AK9: variants seen among roughly 807,000 people sequenced by gnomAD.
AK9 encodes the protein adenylate kinase domain containing 1.
Under a neutral mutation model 239.6 loss-of-function variants are expected in AK9, and 191 were observed. The ratio of observed to expected loss-of-function variants is 0.80; its 90% CI spans 0.71 to 0.90. AK9 has a LOEUF of 0.90. Ranked by LOEUF, AK9 falls within the 40% of genes least tolerant of loss-of-function variation. AK9 has a pLI of 0.00. For synonymous variants in AK9, 689 were observed against 721.0 expected (o/e 0.96, Z 0.71); for missense variants, 1,995 against 2,214.7 (o/e 0.90, Z 1.99).
Position 109,522,359 on chromosome 6 carries a change from A to C in AK9, c.3634-5717T>G, listed in dbSNP as rs149309993. ...GAACTTTTCTTCTAACATTTCTTAGAATATTTCCTTCTTTATTTTCTGTTT... is the reference window on the plus strand; with the variant it reads ...GAACTTTTCTTCTAACATTTCTTAGCATATTTCCTTCTTTATTTTCTGTTT... On this transcript the variant is annotated intron_variant, in intron 29 of 40. Coordinates refer to ENST00000424296, the MANE Select transcript of AK9 (RefSeq NM_001145128.3). 7.3e-4 allele frequency among the ~76,000 whole-genome samples: 111 copies of C among 152,040 alleles called. 1 individual carries two copies. Among genetic ancestry groups the C allele is most frequent in the African/African-American group, 2.4e-3 (101 of 41,510 alleles).
Position 109,672,115 on chromosome 6 carries a change from C to T in AK9, c.234G>A (p.Met78Ile). 1 of 1,613,214 alleles carries T rather than the reference C, an allele frequency of 6.2e-7. No homozygotes were observed. Among genetic ancestry groups the T allele is most frequent in the Non-Finnish European group, 8.5e-7 (1 of 1,179,682 alleles). Residue 78 changes from methionine to isoleucine, a missense_variant and splice_region_variant, in exon 4 of 41, where the codon ATG (methionine) becomes ATA (isoleucine). By Grantham distance (10) the Met-to-Ile change is conservative (BLOSUM62 1). This residue lies in a region of AK9 where 252 missense variants were observed against 246.4 expected (regional missense o/e 1.02). Transcript: ENST00000424296. ...TACTTTGAAATTTAGGTTTGTTTAC[C>T]ATAACTCCTGATTCGGTTTCAGCAG... ...QIAAETESGV[M>I]LQSMLISGQS...
chr6:109,604,144 C>A (rs1449186640), intron 17 of AK9, among the ~76,000 whole-genome samples: 1 of 152,182 alleles, frequency 6.6e-6, no homozygotes, highest in Non-Finnish European at 1.5e-5. Flanking sequence ...ATGCGGAAAT[C>A]ACCCATCCTC....
intron 24 of AK9, among the ~76,000 whole-genome samples, chr6:109,561,942 C>CGTATATACGTTGTAGATCTCAACG (rs1785833948): frequency 6.6e-6 from 1 of 151,942 alleles, no homozygotes; most frequent in Admixed American, 6.6e-5. Context: ...TAGATCTGAA[C>CGTATATACGTTGTAGATCTCAACG]TATATGTACA....
chr6:109,530,022 G>A (rs1445620108), intron 28 of AK9, among the ~76,000 whole-genome samples: 4 of 152,156 alleles, frequency 2.6e-5, no homozygotes, highest in Non-Finnish European at 4.4e-5. Flanking sequence ...AAGTGTATGT[G>A]GTTGGCAGAC....
chr6:109,505,280 C>T (rs981607523), intron 35 of AK9, among the ~76,000 whole-genome samples: 1 of 152,172 alleles, frequency 6.6e-6, no homozygotes. Context: ...CTCATCATAC[C>T]TTCTGTGTAG....
chr6:109,632,822 C>A, intron 12 of AK9, 101 bp downstream of exon 12: 2 of 1,378,178 alleles, frequency 1.5e-6, no homozygotes, highest in Non-Finnish European at 1.9e-6. Context: ...CAAATAAAAT[C>A]CTACAAATTA....
intron 31 of AK9, 133 bp downstream of exon 31, chr6:109,515,724 T>C (rs1056221364): frequency 1.2e-6 from 1 of 805,312 alleles, no homozygotes; most frequent in Non-Finnish European, 1.9e-6. Flanking sequence ...CCAAAGTATT[T>C]TTATAGCTAG....
chr6:109,685,540 G>T (rs1161751740), intron 1 of AK9, among the ~76,000 whole-genome samples: 1 of 151,954 alleles, frequency 6.6e-6, no homozygotes, highest in Non-Finnish European at 1.5e-5. Context: ...GAGAACACAT[G>T]GACGTAGGGA....
rs530693489 is a variant in AK9, at chr6:109,577,712, G to T, written c.2191+1838C>A. Reference sequence around the variant, plus strand: ...ATTTCTTCCTGATTTAATCTAGAAGGGTTGTTTACTTCCAGGAATTTATCC... The same window carrying T: ...ATTTCTTCCTGATTTAATCTAGAAGTGTTGTTTACTTCCAGGAATTTATCC... On this transcript the variant is annotated intron_variant, in intron 20 of 40. Transcript: ENST00000424296. Among the ~76,000 whole-genome samples, 3 of 151,954 alleles carry T rather than the reference G, an allele frequency of 2.0e-5. 1 individual carries two copies. The South Asian group carries it at 6.2e-4, about 31-fold the overall frequency.
Position 109,550,109 on chromosome 6 carries a change from G to T in AK9, c.2945C>A (p.Ala982Asp). The change falls in exon 25 of 41, where the codon GCT becomes GAT. Residue 982 changes from alanine (A) to aspartate (D), a missense_variant. By Grantham distance (126) the Ala-to-Asp change is moderately radical. Around this residue, in one of 5 missense-constraint regions of AK9, gnomAD observed 1,290 missense variants for 1,392.7 expected, o/e 0.93. Coordinates refer to ENST00000424296, the MANE Select transcript of AK9 (RefSeq NM_001145128.3). ...KFLEHPEDYV[A>D]HEEPLKAPPL... ...TCTCACCTTCAATGGTTCTTCATGAGCCACATAATCCTCAGGATGCTCCAA... is the reference window on the plus strand; with the variant it reads ...TCTCACCTTCAATGGTTCTTCATGATCCACATAATCCTCAGGATGCTCCAA... The T allele has an allele frequency of 6.2e-7, 1 of 1,613,754 alleles. No individual in the cohort carries two copies.
In AK9 at chr6:109,622,713, AAC is replaced by A. The variant is rs1795030056; in HGVS notation, c.1255-3479_1255-3478del. On this transcript the variant is annotated intron_variant, in intron 12 of 40. Transcript: ENST00000424296. The stretch of plus-strand genomic sequence containing the variant: ...TATGTATAAAATGTAGATAATATAT[AAC>A]ACACATATTATATATTATCTATATT... 2.0e-5 allele frequency among the ~76,000 whole-genome samples: 3 copies of A among 149,912 alleles called. No individual in the cohort carries two copies. In the South Asian group the frequency reaches 6.3e-4, roughly 31 times the overall value.
chr6:109,653,216 C>A (rs1352449572), intron 8 of AK9, among the ~76,000 whole-genome samples: 3 of 152,142 alleles, frequency 2.0e-5, no homozygotes, highest in Non-Finnish European at 4.4e-5. Flanking sequence ...CATGAGACAA[C>A]ACGCCTGGCA....
intron 32 of AK9, among the ~76,000 whole-genome samples, chr6:109,511,604 C>G (rs774460784): frequency 3.2e-4 from 49 of 152,118 alleles, no homozygotes; most frequent in Non-Finnish European, 6.3e-4. Flanking sequence ...GTGTATATTC[C>G]TTGCCTGAGC....
At chr6:109,684,641 G>C (rs544869370) in intron 1 of AK9, among the ~76,000 whole-genome samples, 1 of 150,940 alleles carries the variant, frequency 6.6e-6, no homozygotes, top group South Asian at 2.1e-4. Context: ...TTGGGAGGCC[G>C]AGGCGGGCGG....
intron 24 of AK9, among the ~76,000 whole-genome samples, chr6:109,560,191 C>T (rs1785566512): frequency 6.6e-6 from 1 of 152,194 alleles, no homozygotes; most frequent in Admixed American, 6.5e-5. Flanking sequence ...CATTATTCAG[C>T]CTATCACAAT....
chr6:109,609,590 G>C (rs1793324744), intron 17 of AK9, among the ~76,000 whole-genome samples: 1 of 152,162 alleles, frequency 6.6e-6, no homozygotes, highest in Non-Finnish European at 1.5e-5. Context: ...AGCCCAAAGG[G>C]AGCCATGAGA....
At chr6:109,641,726 G>C (rs1020810161) in intron 9 of AK9, 110 bp from the exon 10 acceptor site, 2 of 898,028 alleles carry the variant, frequency 2.2e-6, no homozygotes, top group African/African-American at 3.4e-5. Context: ...ACTCTGGGTC[G>C]AATCCTTGCT....
At position 109,672,124 on chromosome 6, in the gene AK9, T is replaced by G. The variant is rs748030715; in HGVS notation, c.225A>C (p.Ser75=). Residue 75 remains serine (S), a synonymous_variant, in exon 4 of 41, where the codon TCA becomes TCC. Transcript: ENST00000424296. Reference sequence around the variant, plus strand: ...ATTTAGGTTTGTTTACCATAACTCCTGATTCGGTTTCAGCAGCAATCTGTT... The same window carrying G: ...ATTTAGGTTTGTTTACCATAACTCCGGATTCGGTTTCAGCAGCAATCTGTT... The part of the protein sequence containing the change: ...LEEQIAAETE[S]GVMLQSMLIS... The G allele has an allele frequency of 1.9e-6, 3 of 1,613,430 alleles. No individual in the cohort carries two copies. The highest frequency in any genetic ancestry group is 2.5e-6 in the Non-Finnish European group (3 of 1,179,702).
intron 12 of AK9, among the ~76,000 whole-genome samples, chr6:109,623,393 C>T (rs1795104623): frequency 6.6e-6 from 1 of 152,104 alleles, no homozygotes; most frequent in African/African-American, 2.4e-5. Flanking sequence ...TTGATTAATT[C>T]TTTCTGAGGG....
Sources: gnomAD v4.1 joint callset for allele counts (sites outside exome capture counted in the v4.1 genomes callset) on GRCh38, gnomAD v4.1.1 for gene constraint, gnomAD v4.1.1 regional missense constraint, MANE v1.5 for transcripts, NCBI Gene and HGNC (gene_info 2026-07-23, HGNC 2026-07-21) for gene names.